The following KSR1 variants were observed in gnomAD, a reference collection of about 807,000 sequenced individuals.
KSR1 encodes the protein kinase suppressor of ras.
In KSR1, 35 loss-of-function variants were observed where a neutral mutation model predicts 92.9. The ratio of observed to expected loss-of-function variants is 0.38; its 90% CI spans 0.29 to 0.50. The LOEUF is 0.50. Among genes scored for constraint, KSR1 ranks in the 20% least tolerant of loss-of-function variants. KSR1 has a pLI of 0.94. For missense variants in KSR1, 972 were observed against 1,158.5 expected (o/e 0.84, Z 2.34); for synonymous variants, 467 against 472.6 (o/e 0.99, Z 0.15).
rs117195071 is a variant in KSR1, at chr17:27,520,569, G to A, written c.232-29999G>A. ...TAAATAAATAAATAAAATGCTAATC[G>A]TGCCACCAGCCCTGAAGTCTCCTTG... On this transcript the variant is annotated intron_variant, in intron 1 of 20. Transcript: ENST00000644974. 2.6e-3 allele frequency among the ~76,000 whole-genome samples: 397 copies of A among 152,320 alleles called. 2 individuals are homozygous for A. Among genetic ancestry groups the A allele is most frequent in the Admixed American group, 6.4e-3 (98 of 15,302 alleles).
intron 1 of KSR1, among the ~76,000 whole-genome samples, chr17:27,458,801 G>T (rs2019302966): frequency 6.6e-6 from 1 of 152,084 alleles, no homozygotes; most frequent in East Asian, 1.9e-4. Flanking sequence ...CCCCTGGAGT[G>T]AGTTCCATGG....
chr17:27,563,125 C>T (rs1567831135), intron 2 of KSR1, among the ~76,000 whole-genome samples: 1 of 152,186 alleles, frequency 6.6e-6, no homozygotes, highest in African/African-American at 2.4e-5. Context: ...GACTAGTCCT[C>T]GGACTGTTGC....
intron 9 of KSR1, among the ~76,000 whole-genome samples, chr17:27,593,976 G>C (rs1000816617): frequency 2.6e-5 from 4 of 152,134 alleles, no homozygotes; most frequent in African/African-American, 4.8e-5. Flanking sequence ...TGAGGGCTCT[G>C]CCCTGATGAC....
chr17:27,617,324 C>A lies in KSR1; in HGVS notation c.2523C>A (p.Asp841Glu). ...SEILSACWAF[D>E]LQERPSFSLL... ...TCCTGTCGGCCTGCTGGGCTTTCGA[C>A]CTGCAGGAGAGACCCAGCTTCAGCC... The change falls in exon 19 of 21, where the codon GAC becomes GAA. Residue 841 changes from aspartate to glutamate, a missense_variant. By Grantham distance (45) the Asp-to-Glu change is conservative. Around this residue, in one of 5 missense-constraint regions of KSR1, gnomAD observed 260 missense variants for 375.2 expected, o/e 0.69. Transcript: ENST00000644974. The A allele has an allele frequency of 6.2e-7, 1 of 1,611,000 alleles. No homozygotes were observed. The highest frequency in any genetic ancestry group is 8.5e-7 in the Non-Finnish European group (1 of 1,178,110).
chr17:27,597,783 G>C (rs2073400779), intron 10 of KSR1, among the ~76,000 whole-genome samples: 1 of 152,152 alleles, frequency 6.6e-6, no homozygotes, highest in African/African-American at 2.4e-5. Flanking sequence ...TCTCGGGACT[G>C]GCTTCTGAGC....
chr17:27,553,873 G>T (rs1598013415), intron 2 of KSR1, among the ~76,000 whole-genome samples: 1 of 152,342 alleles, frequency 6.6e-6, no homozygotes, highest in East Asian at 1.9e-4. Context: ...TACATGTGTG[G>T]AAGCCTAGTG....
chr17:27,457,587 G>C (rs967917515), intron 1 of KSR1, among the ~76,000 whole-genome samples: 4 of 152,194 alleles, frequency 2.6e-5, no homozygotes, highest in African/African-American at 7.2e-5. Flanking sequence ...AAAGGGTTCT[G>C]ATGGAGACAG....
At chr17:27,534,239 C>T (rs1294333671) in intron 1 of KSR1, among the ~76,000 whole-genome samples, 1 of 152,238 alleles carries the variant, frequency 6.6e-6, no homozygotes, top group Non-Finnish European at 1.5e-5. Context: ...CACGCCTGGC[C>T]TTGTCTACGT....
At chr17:27,552,946 C>T (rs2071448798) in intron 2 of KSR1, among the ~76,000 whole-genome samples, 1 of 152,210 alleles carries the variant, frequency 6.6e-6, no homozygotes, top group Non-Finnish European at 1.5e-5. Flanking sequence ...TTTTCCCCAC[C>T]TCACAGTTGA....
chr17:27,468,192 T>A (rs1432992480), intron 1 of KSR1, among the ~76,000 whole-genome samples: 1 of 151,970 alleles, frequency 6.6e-6, no homozygotes, highest in African/African-American at 2.4e-5. Context: ...TGACCACCTC[T>A]GTGTAGTGAT....
chr17:27,609,196 G>A lies in KSR1; in HGVS notation c.2092G>A (p.Gly698Ser). 1 of 1,613,528 alleles carries A rather than the reference G, an allele frequency of 6.2e-7. No homozygotes were observed. Among genetic ancestry groups the A allele is most frequent in the Non-Finnish European group, 8.5e-7 (1 of 1,179,566 alleles). Residue 698 changes from glycine (G) to serine (S), a missense_variant and splice_region_variant, in exon 16 of 21, where the codon GGC becomes AGC. Gly to Ser is a moderately conservative substitution (Grantham distance 56). This residue lies in a region of KSR1 where 260 missense variants were observed against 375.2 expected (regional missense o/e 0.69). Transcript: ENST00000644974. The part of the protein sequence containing the change: ...TRQIAQEIIK[G>S]MGYLHAKGIV... ...TCACTCCTCCTGATGTGTCCTCCAG[G>A]GCATGGGATATCTTCATGCCAAGGG...
intron 1 of KSR1, 65 bp from the exon 2 acceptor site, chr17:27,550,503 C>T: frequency 1.3e-6 from 1 of 753,094 alleles, no homozygotes; most frequent in East Asian, 2.4e-5. Flanking sequence ...CTGTAGTGTG[C>T]TTGGGCCTGC....
chr17:27,479,650 T>C (rs945051880), intron 1 of KSR1, among the ~76,000 whole-genome samples: 3 of 152,182 alleles, frequency 2.0e-5, no homozygotes, highest in Non-Finnish European at 4.4e-5. Context: ...GGACTTCCCT[T>C]GAGAGCTGGG....
chr17:27,552,008 G>C, intron 2 of KSR1, among the ~76,000 whole-genome samples: 1 of 152,096 alleles, frequency 6.6e-6, no homozygotes, highest in Non-Finnish European at 1.5e-5. Context: ...TCCTTTGCTC[G>C]GTAGACTCTA....
intron 1 of KSR1, among the ~76,000 whole-genome samples, chr17:27,489,053 C>T (rs924210028): frequency 3.3e-5 from 5 of 152,232 alleles, no homozygotes; most frequent in Admixed American, 6.5e-5. Context: ...ATTTGCAGCA[C>T]GAAAGCCCTG....
intron 1 of KSR1, among the ~76,000 whole-genome samples, chr17:27,529,968 G>A (rs1468699439): frequency 6.6e-6 from 1 of 152,082 alleles, no homozygotes; most frequent in South Asian, 2.1e-4. Flanking sequence ...TTGTTTGCAG[G>A]GCCTTGGCAC....
intron 1 of KSR1, among the ~76,000 whole-genome samples, chr17:27,487,862 C>A (rs953113): frequency 0.49 from 74,659 of 151,780 alleles, 19,458 homozygotes; most frequent in East Asian, 0.69. Flanking sequence ...CCAGCTCTCA[C>A]CTCTTGCTTG....
chr17:27,592,946 C>T (rs1326872006), intron 9 of KSR1, among the ~76,000 whole-genome samples: 2 of 152,218 alleles, frequency 1.3e-5, no homozygotes, highest in Non-Finnish European at 2.9e-5. Context: ...GGATCCATTT[C>T]ACAGGTGAGA....
intron 1 of KSR1, among the ~76,000 whole-genome samples, chr17:27,501,474 G>C (rs1251766716): frequency 2.0e-5 from 3 of 151,860 alleles, no homozygotes; most frequent in Non-Finnish European, 2.9e-5. Context: ...GCATTGCAGA[G>C]ACCTTCGTGG....
Sources: gnomAD v4.1 joint callset for allele counts (sites outside exome capture counted in the v4.1 genomes callset) on GRCh38, gnomAD v4.1.1 for gene constraint, gnomAD v4.1.1 regional missense constraint, MANE v1.5 for transcripts, NCBI Gene and HGNC (gene_info 2026-07-23, HGNC 2026-07-21) for gene names.